Variants in FAM200C observed in about 807,000 individuals in gnomAD.
chr5:160,394,096 T>A, the FAM200C span: 1 of 1,613,408 alleles, frequency 6.2e-7, no homozygotes, highest in Admixed American at 1.7e-5. Context: ...CATTAAGATC[T>A]CCAATGGAAA....
the FAM200C span, chr5:160,393,637 A>G: frequency 8.7e-7 from 1 of 1,143,934 alleles, no homozygotes; most frequent in Non-Finnish European, 1.2e-6. Context: ...AATATGAAAG[A>G]GACAGAATTA....
At chr5:160,393,841 T>C in the FAM200C span, 1 of 1,613,704 alleles carries the variant, frequency 6.2e-7, no homozygotes, top group South Asian at 1.1e-5. Context: ...AATGTAAAAG[T>C]GATGAAAATC....
At chr5:160,393,810 A>G in the FAM200C span, 1 of 1,605,206 alleles carries the variant, frequency 6.2e-7, no homozygotes. Context: ...AGATTAAAGC[A>G]GCTTCTGGAC....
At chr5:160,394,064 T>C in the FAM200C span, 1 of 1,611,714 alleles carries the variant, frequency 6.2e-7, no homozygotes, top group Non-Finnish European at 8.5e-7. Context: ...AAGAAATGGA[T>C]CCAATATCCA....
At chr5:160,394,362 G>C in the FAM200C span, 4 of 1,613,668 alleles carry the variant, frequency 2.5e-6, no homozygotes, top group Non-Finnish European at 3.4e-6. Flanking sequence ...AAATCTGCAA[G>C]GTATGCTAGG....
the FAM200C span, chr5:160,393,545 T>TTA: frequency 1.6e-6 from 1 of 634,242 alleles, no homozygotes; most frequent in Non-Finnish European, 2.7e-6. Flanking sequence ...TGCTGTGTTT[T>TTA]TATTCTCAAA....
At chr5:160,393,733 C>A in the FAM200C span, 1 of 1,551,868 alleles carries the variant, frequency 6.4e-7, no homozygotes, top group Non-Finnish European at 8.7e-7. Flanking sequence ...GTAGCTGTAG[C>A]TTTTGTTCAA....
At chr5:160,399,974 G>T in the FAM200C span, 1 of 152,296 alleles carries the variant, frequency 6.6e-6, no homozygotes, top group South Asian at 2.1e-4. Context: ...CCCCCGGGCA[G>T]GAATCTGCGG....
chr5:160,394,246 C>A, the FAM200C span: 1 of 1,612,762 alleles, frequency 6.2e-7, no homozygotes, highest in Non-Finnish European at 8.5e-7. Context: ...TTCGTTTTTG[C>A]CAAAATGGAA....
the FAM200C span, chr5:160,397,635 G>A: frequency 6.6e-6 from 1 of 152,182 alleles, no homozygotes; most frequent in African/African-American, 2.4e-5. Context: ...CTACCAAGAT[G>A]AACTAGTTGT....
the FAM200C span, chr5:160,393,572 C>T: frequency 2.9e-6 from 2 of 679,486 alleles, no homozygotes; most frequent in Non-Finnish European, 4.9e-6. Context: ...TTTCACATGC[C>T]TCATTCAAAA....
At chr5:160,393,866 T>A in the FAM200C span, 8 of 1,614,058 alleles carry the variant, frequency 5.0e-6, no homozygotes, top group Non-Finnish European at 5.9e-6. Flanking sequence ...CTCACAAAGG[T>A]ATGTAGTTGC....
At chr5:160,393,214 A>G in the FAM200C span, 4 of 153,402 alleles carry the variant, frequency 2.6e-5, no homozygotes, top group Non-Finnish European at 5.8e-5. Context: ...GGACATTGTG[A>G]GACTAACTCC....
chr5:160,393,773 G>GA, the FAM200C span: 6 of 1,565,150 alleles, frequency 3.8e-6, no homozygotes, highest in Non-Finnish European at 5.2e-6. Context: ...AACTTTTTTT[G>GA]AAATAGCCAC....
the FAM200C span, among the ~76,000 whole-genome samples, chr5:160,398,139 G>A: frequency 6.6e-6 from 1 of 152,206 alleles, no homozygotes; most frequent in African/African-American, 2.4e-5. Context: ...CTACTCGGGA[G>A]GCTGAGGCAG....
chr5:160,396,339 T>C, the FAM200C span, among the ~76,000 whole-genome samples: 1 of 152,202 alleles, frequency 6.6e-6, no homozygotes, highest in Non-Finnish European at 1.5e-5. Context: ...GAATTTCAAA[T>C]AGGTCTTTAA....
chr5:160,397,151 C>A, the FAM200C span, among the ~76,000 whole-genome samples: 1 of 152,174 alleles, frequency 6.6e-6, no homozygotes, highest in Admixed American at 6.5e-5. Flanking sequence ...AGAAGCAGAA[C>A]AAAAGAATAT....
the FAM200C span, chr5:160,395,222 G>A: frequency 6.2e-7 from 1 of 1,613,842 alleles, no homozygotes; most frequent in South Asian, 1.1e-5. Flanking sequence ...TTGTAATAAA[G>A]TATCCTCATG....
the FAM200C span, chr5:160,395,549 T>A: frequency 7.1e-7 from 1 of 1,406,404 alleles, no homozygotes; most frequent in Non-Finnish European, 1.0e-6. Flanking sequence ...GCTTTGGGAG[T>A]AAAATATAAC....
Sources: gnomAD v4.1 joint callset for allele counts (sites outside exome capture counted in the v4.1 genomes callset) on GRCh38, gnomAD v4.1.1 for gene constraint, MANE v1.5 for transcripts.